MYH3: variants seen among roughly 807,000 people sequenced by gnomAD.
MYH3 encodes myosin heavy chain 3.
In MYH3, 130 loss-of-function variants were observed where a neutral mutation model predicts 238.0. That is an observed-to-expected ratio of 0.55 (90% confidence interval 0.47 to 0.63). The LOEUF (loss-of-function observed/expected upper bound fraction) is 0.63, where lower values mean the gene tolerates loss of function less well. Among genes scored for constraint, MYH3 ranks in the 30% least tolerant of loss-of-function variants. MYH3 has a pLI of 0.00. For synonymous variants in MYH3, 880 were observed against 924.1 expected (o/e 0.95, Z 0.86); for missense variants, 1,853 against 2,374.9 (o/e 0.78, Z 4.57).
In MYH3 at chr17:10,645,909, C is replaced by T. The variant is rs748087440; in HGVS notation, c.1002+20G>A. The T allele has an allele frequency of 6.2e-7, 1 of 1,613,774 alleles. No homozygotes were observed. Among genetic ancestry groups the T allele is most frequent in the South Asian group, 1.1e-5 (1 of 91,070 alleles). The stretch of plus-strand genomic sequence containing the variant: ...AGTGATGGAGGAGGAACACCCACCC[C>T]TTCTGTTGGTTCCACTTACGTCTGT... On this transcript the variant is annotated intron_variant, in intron 11 of 40. Coordinates refer to ENST00000583535, the MANE Select transcript of MYH3 (RefSeq NM_002470.4).
chr17:10,647,565 A>C (rs2074333974), intron 8 of MYH3, 139 bp from the exon 9 acceptor site: 1 of 920,564 alleles, frequency 1.1e-6, no homozygotes, highest in Non-Finnish European at 1.7e-6. Context: ...TATGTTTTTG[A>C]GACGGAGTCT....
At position 10,630,081 on chromosome 17, in the gene MYH3, G is replaced by T. The variant is rs376208076; in HGVS notation, c.5562+11C>A. Reference sequence around the variant, plus strand: ...CAGAGGACACGATCATGGCGTTTGCGTTCCACTTACCTGGTACGTCAGCTC... The same window carrying T: ...CAGAGGACACGATCATGGCGTTTGCTTTCCACTTACCTGGTACGTCAGCTC... On this transcript the variant is annotated intron_variant, in intron 38 of 40. Coordinates refer to ENST00000583535, the MANE Select transcript of MYH3 (RefSeq NM_002470.4). 127 of 1,612,716 alleles carry T rather than the reference G, an allele frequency of 7.9e-5. 3 individuals are homozygous for T. In the East Asian group the frequency reaches 9.4e-4, roughly 12 times the overall value.
Position 10,640,476 on chromosome 17 carries a change from G to C in MYH3, c.2290-7C>G. On this transcript the variant is annotated splice_region_variant and splice_polypyrimidine_tract_variant and intron_variant, in intron 20 of 40. Coordinates refer to ENST00000583535, the MANE Select transcript of MYH3 (RefSeq NM_002470.4). Reference sequence around the variant, plus strand: ...AGCCAGCCTTGAAGAACACCTTATGGGGCAGAAGGGTGACATGAGTCAGTT... The same window carrying C: ...AGCCAGCCTTGAAGAACACCTTATGCGGCAGAAGGGTGACATGAGTCAGTT... 1 of 1,614,208 alleles carries C rather than the reference G, an allele frequency of 6.2e-7. No homozygotes were observed. The highest frequency in any genetic ancestry group is 8.5e-7 in the Non-Finnish European group (1 of 1,180,046).
intron 38 of MYH3, 50 bp downstream of exon 38, chr17:10,630,042 G>C (rs1255199243): frequency 4.4e-6 from 7 of 1,605,636 alleles, no homozygotes. Context: ...GTTTGATGGA[G>C]AATCTGCACG....
At chr17:10,667,954 A>G in the MYH3 span, among the ~76,000 whole-genome samples, 1 of 152,232 alleles carries the variant, frequency 6.6e-6, no homozygotes, top group Non-Finnish European at 1.5e-5. Flanking sequence ...TAAAGGAAAA[A>G]GCAAATCCTG....
chr17:10,640,668 G>A lies in MYH3; in HGVS notation c.2184C>T (p.Ala728=). The change falls in exon 20 of 41, where the codon GCC becomes GCT. Residue 728 remains alanine (A), a synonymous_variant. Transcript: ENST00000583535. ...DFKQRYRVLN[A]SAIPEGQFID... ...TGAATTGTCCCTCAGGGATTGCACTGGCATTCAGCACTCGGTATCTGCATT... is the reference window on the plus strand; with the variant it reads ...TGAATTGTCCCTCAGGGATTGCACTAGCATTCAGCACTCGGTATCTGCATT... 1 of 1,614,178 alleles carries A rather than the reference G, an allele frequency of 6.2e-7. No homozygotes were observed. Among genetic ancestry groups the A allele is most frequent in the Non-Finnish European group, 8.5e-7 (1 of 1,180,010 alleles).
At chr17:10,648,153 C>A (rs1426045827) in intron 8 of MYH3, among the ~76,000 whole-genome samples, 4 of 152,142 alleles carry the variant, frequency 2.6e-5, no homozygotes, top group African/African-American at 7.2e-5. Context: ...GGAACTGGCC[C>A]CCCTGCCCTC....
At chr17:10,652,358 C>T in intron 4 of MYH3, 62 bp downstream of exon 4, 1 of 1,589,430 alleles carries the variant, frequency 6.3e-7, no homozygotes, top group Non-Finnish European at 8.6e-7. Flanking sequence ...CATACCTCTG[C>T]CTCCCTCCCC....
the MYH3 span, among the ~76,000 whole-genome samples, chr17:10,667,518 C>T: frequency 1.3e-5 from 2 of 151,740 alleles, no homozygotes; most frequent in Non-Finnish European, 2.9e-5. Context: ...CTCATCTATA[C>T]TAAAATACAA....
chr17:10,637,781 C>G, intron 28 of MYH3, 28 bp downstream of exon 28: 1 of 1,613,456 alleles, frequency 6.2e-7, no homozygotes. Flanking sequence ...GAGGTTTTGG[C>G]CCCACGGGTT....
chr17:10,644,523 C>T, intron 13 of MYH3, 23 bp from the exon 14 acceptor site: 1 of 1,614,114 alleles, frequency 6.2e-7, no homozygotes, highest in Non-Finnish European at 8.5e-7. Flanking sequence ...AGATCAGCTA[C>T]TGGATATGAA....
At chr17:10,646,770 A>C (rs2142412726) in intron 10 of MYH3, among the ~76,000 whole-genome samples, 1 of 152,214 alleles carries the variant, frequency 6.6e-6, no homozygotes, top group African/African-American at 2.4e-5. Context: ...TTTCCTGGCA[A>C]AGTGCAGTGG....
Position 10,639,392 on chromosome 17 carries a change from G to A in MYH3, c.3008C>T (p.Ala1003Val), listed in dbSNP as rs34088014. The A allele has an allele frequency of 0.02, 32,882 of 1,614,002 alleles. 359 individuals are homozygous for A. Among genetic ancestry groups the A allele is most frequent in the African/African-American group, 0.03 (2,233 of 75,012 alleles). The change falls in exon 24 of 41, where the codon GCG (alanine) becomes GTG (valine). Residue 1003 changes from alanine to valine, a missense_variant. This residue lies in a region of MYH3 where 1,044 missense variants were observed against 1,192.6 expected (regional missense o/e 0.88). Coordinates refer to ENST00000583535, the MANE Select transcript of MYH3 (RefSeq NM_002470.4). ...LTREKKALQE[A>V]HQQALDDLQA... The stretch of plus-strand genomic sequence containing the variant: ...GAGGTCATCCAAGGCCTGCTGGTGC[G>A]CCTCTTGGAGGGCCTTCTTCTCTCT...
chr17:10,655,346 C>A (rs1342108542), intron 2 of MYH3, among the ~76,000 whole-genome samples: 1 of 152,224 alleles, frequency 6.6e-6, no homozygotes, highest in African/African-American at 2.4e-5. Context: ...GAGGCTTGAA[C>A]TGGCGATAAG....
At chr17:10,635,952 G>A (rs2074211643) in intron 28 of MYH3, 99 bp from the exon 29 acceptor site, 1 of 1,015,586 alleles carries the variant, frequency 9.8e-7, no homozygotes. Flanking sequence ...TGGGGAGACA[G>A]AAAATGATAA....
At position 10,628,535 on chromosome 17, in the gene MYH3, A is replaced by G; in HGVS notation, c.*118T>C. ...AATACAGCAAAGCGGCCCCAGATTG[A>G]AACAAAGCAAAGTTTATTGCATGTG... On this transcript the variant is annotated 3_prime_UTR_variant, in exon 41 of 41. Coordinates refer to ENST00000583535, the MANE Select transcript of MYH3 (RefSeq NM_002470.4). The G allele has an allele frequency of 8.1e-7, 1 of 1,235,572 alleles. No individual in the cohort carries two copies. Among genetic ancestry groups the G allele is most frequent in the East Asian group, 2.3e-5 (1 of 42,990 alleles). 76.5% of individuals were successfully genotyped at this position (1,235,572 alleles called of 1,614,324 possible). A position where few individuals can be genotyped will look rare whatever the true frequency, so the allele number is the denominator to read the frequency against.
chr17:10,663,398 G>A, the MYH3 span, among the ~76,000 whole-genome samples: 3 of 152,168 alleles, frequency 2.0e-5, no homozygotes, highest in South Asian at 4.1e-4. Flanking sequence ...GAATGCTAGG[G>A]CACTCTGTGA....
At chr17:10,677,874 TG>T in the MYH3 span, 2 of 152,312 alleles carry the variant, frequency 1.3e-5, no homozygotes, top group Admixed American at 6.5e-5. Flanking sequence ...CCCAGCACTT[TG>T]GGAGGCCGAG....
chr17:10,651,450 ACTGCCGCTCGCCTCATGCAGTGCCTG>A lies in MYH3; in HGVS notation c.505+36_505+61del, dbSNP rs1157636794. 16 of 1,611,196 alleles carry A rather than the reference ACTGCCGCTCGCCTCATGCAGTGCCTG, an allele frequency of 9.9e-6. No individual in the cohort carries two copies. The Admixed American group carries it at 2.7e-4, about 27-fold the overall frequency. On this transcript the variant is annotated intron_variant, in intron 5 of 40. Transcript: ENST00000583535. ...GGGTCCAGCCTGGGAGTAAGGGGCAACTGCCGCTCGCCTCATGCAGTGCCTGCTCCAGCATCCCATGCTTCCTCCTG... is the reference window on the plus strand; with the variant it reads ...GGGTCCAGCCTGGGAGTAAGGGGCAACTCCAGCATCCCATGCTTCCTCCTG...
Sources: gnomAD v4.1 joint callset for allele counts (sites outside exome capture counted in the v4.1 genomes callset) on GRCh38, gnomAD v4.1.1 for gene constraint, gnomAD v4.1.1 regional missense constraint, MANE v1.5 for transcripts, NCBI Gene and HGNC (gene_info 2026-07-23, HGNC 2026-07-21) for gene names.